Variants in EGF observed in about 807,000 individuals in gnomAD.
The protein encoded by EGF is pro-epidermal growth factor.
In EGF, 95 loss-of-function variants were observed where a neutral mutation model predicts 143.8. The ratio of observed to expected loss-of-function variants is 0.66; its 90% confidence interval spans 0.56 to 0.78. The LOEUF is 0.78. Among genes scored for constraint, EGF ranks in the 30% least tolerant of loss-of-function variants. The probability of loss-of-function intolerance (pLI) is 0.00; values close to 1 mark genes in which losing one functional copy is unlikely to be tolerated. For missense variants in EGF, 1,320 were observed against 1,470.9 expected (o/e 0.90, Z 1.68); for synonymous variants, 510 against 510.5 (o/e 1.00, Z 0.01).
chr4:109,951,974 A>G (rs553697217), intron 5 of EGF, among the ~76,000 whole-genome samples: 3 of 151,906 alleles, frequency 2.0e-5, no homozygotes, highest in Admixed American at 2.0e-4. Flanking sequence ...TTTTTTTTCA[A>G]TTTCAGAAAC....
chr4:110,005,450 G>T (rs1026637160), intron 22 of EGF, among the ~76,000 whole-genome samples: 2 of 152,000 alleles, frequency 1.3e-5, no homozygotes, highest in African/African-American at 4.8e-5. Context: ...ATAGTTGCCA[G>T]ATTTAACAAA....
chr4:109,976,193 C>G lies in EGF; in HGVS notation c.2011C>G (p.Leu671Val). The G allele has an allele frequency of 6.2e-7, 1 of 1,614,090 alleles. No individual in the cohort carries two copies. Among genetic ancestry groups the G allele is most frequent in the Non-Finnish European group, 8.5e-7 (1 of 1,180,006 alleles). ...GCAGTCTGTGATTGAAATGGCCAAT[C>G]TGGATGGTTCAAAACGCCGAAGACT... is the stretch of plus-strand genomic sequence containing the variant. ...AKQSVIEMAN[L>V]DGSKRRRLTQ... The change falls in exon 13 of 24, where the codon CTG (leucine) becomes GTG (valine). Residue 671 changes from leucine (L) to valine (V), a missense_variant. Physicochemically the swap from Leu to Val is conservative, Grantham distance 32 (BLOSUM62 1). Coordinates refer to ENST00000265171, the MANE Select transcript of EGF (RefSeq NM_001963.6).
At chr4:109,928,327 G>T (rs1328753239) in intron 1 of EGF, among the ~76,000 whole-genome samples, 1 of 152,168 alleles carries the variant, frequency 6.6e-6, no homozygotes, top group Admixed American at 6.5e-5. Flanking sequence ...AGGGTAAGGT[G>T]GGGTTAGGTT....
chr4:109,983,561 C>T lies in EGF; in HGVS notation c.2491+20C>T. ...TGTCAGGTATGAATAACTAGTTCTC[C>T]AATATACCTTTGGTTCCAACAGTTT... On this transcript the variant is annotated intron_variant, in intron 16 of 23. Transcript: ENST00000265171. 2 of 1,613,118 alleles carry T rather than the reference C, an allele frequency of 1.2e-6. No individual in the cohort carries two copies. Among genetic ancestry groups the T allele is most frequent in the East Asian group, 2.2e-5 (1 of 44,810 alleles).
At chr4:109,997,001 A>ATT (rs200352311) in intron 20 of EGF, among the ~76,000 whole-genome samples, 2 of 147,920 alleles carry the variant, frequency 1.4e-5, no homozygotes. Flanking sequence ...TCTACCCTCA[A>ATT]TTTTTTTTTT....
At chr4:109,990,022 T>C (rs184363927) in intron 18 of EGF, among the ~76,000 whole-genome samples, 29 of 152,304 alleles carry the variant, frequency 1.9e-4, no homozygotes, top group African/African-American at 5.1e-4. Context: ...CTTATTATTA[T>C]TAAGAGTAGT....
At chr4:110,008,286 G>T in intron 23 of EGF, 56 bp downstream of exon 23, 1 of 1,590,920 alleles carries the variant, frequency 6.3e-7, no homozygotes, top group Non-Finnish European at 8.6e-7. Flanking sequence ...GATCCTGACT[G>T]TTTTTCAATG....
intron 20 of EGF, 87 bp from the exon 21 acceptor site, chr4:109,999,592 T>C: frequency 9.7e-6 from 15 of 1,547,444 alleles, no homozygotes; most frequent in Non-Finnish European, 1.3e-5. Context: ...AATGCAGAGG[T>C]TGAGAGACAG....
chr4:109,995,074 G>T (rs555719599), intron 20 of EGF, among the ~76,000 whole-genome samples, 194 bp downstream of exon 20: 23 of 152,278 alleles, frequency 1.5e-4, no homozygotes, highest in African/African-American at 4.8e-4. Flanking sequence ...CCCCCTTCTA[G>T]TTACCGGTGA....
intron 1 of EGF, among the ~76,000 whole-genome samples, chr4:109,938,732 T>G (rs1479256920): frequency 6.6e-6 from 1 of 152,246 alleles, no homozygotes; most frequent in African/African-American, 2.4e-5. Flanking sequence ...ATGTTGATGC[T>G]ATTCATTTCT....
At chr4:110,000,193 G>C (rs1201132380) in intron 21 of EGF, among the ~76,000 whole-genome samples, 1 of 149,182 alleles carries the variant, frequency 6.7e-6, no homozygotes, top group African/African-American at 2.5e-5. Context: ...AGGGGTTGCA[G>C]TGAGCCAAGA....
rs996529684 is a variant in EGF at position 110,001,767 on chromosome 4, C to A, written c.3173+1921C>A. The A allele has an allele frequency of 1.2e-5, 12 of 985,304 alleles. No individual in the cohort carries two copies. In the African/African-American group the frequency reaches 2.1e-4, roughly 17 times the overall value. 61.0% of individuals were successfully genotyped at this position (985,304 alleles called of 1,614,324 possible). On this transcript the variant is annotated intron_variant, in intron 21 of 23. Transcript: ENST00000265171. ...ATAAGAGTATCTTCAACCTCAGACT[C>A]TCATACTCCAAAAATCAGAAGTGAA... is the stretch of plus-strand genomic sequence containing the variant.
chr4:109,964,292 G>A (rs2126066921), intron 9 of EGF, 109 bp from the exon 10 acceptor site: 1 of 1,474,336 alleles, frequency 6.8e-7, no homozygotes, highest in East Asian at 2.3e-5. Flanking sequence ...AAGAAAACAA[G>A]TACTGTAGAA....
intron 11 of EGF, among the ~76,000 whole-genome samples, chr4:109,970,843 A>AC (rs1484004883): frequency 6.6e-6 from 1 of 151,550 alleles, no homozygotes; most frequent in Non-Finnish European, 1.5e-5. Flanking sequence ...AAAAAAAAAA[A>AC]AAATCTGTTG....
rs372466716 is a variant in EGF, at chr4:109,913,285, C to T, written c.-51C>T. On this transcript the variant is annotated 5_prime_UTR_variant, in exon 1 of 24. Coordinates refer to ENST00000265171, the MANE Select transcript of EGF (RefSeq NM_001963.6). ...TCATACTCACCTTGCCCGGGCCATG[C>T]TCCAGCAAAATCAAGCTGTTTTCTT... 43 of 1,609,744 alleles carry T rather than the reference C, an allele frequency of 2.7e-5. No homozygotes were observed. Among genetic ancestry groups the T allele is most frequent in the Non-Finnish European group, 3.1e-5 (37 of 1,177,640 alleles).
intron 17 of EGF, 126 bp downstream of exon 17, chr4:109,987,986 G>A (rs539119787): frequency 9.1e-5 from 70 of 766,612 alleles, no homozygotes; most frequent in Non-Finnish European, 1.4e-4. Flanking sequence ...GTTATTTGAT[G>A]TTAGCTAAAA....
intron 21 of EGF, among the ~76,000 whole-genome samples, chr4:110,001,105 G>T (rs1362737105): frequency 6.6e-6 from 1 of 152,164 alleles, no homozygotes; most frequent in Non-Finnish European, 1.5e-5. Context: ...GATTATACAG[G>T]TTCAAATCCA....
intron 20 of EGF, among the ~76,000 whole-genome samples, chr4:109,996,200 A>C (rs1005114063): frequency 2.0e-5 from 3 of 152,226 alleles, no homozygotes; most frequent in Non-Finnish European, 4.4e-5. Context: ...CTACAGGGTT[A>C]CATACTGCAT....
Position 109,961,272 on chromosome 4 carries a change from C to T in EGF, c.1189+283C>T, listed in dbSNP as rs570376073. Among the ~76,000 whole-genome samples the T allele has an allele frequency of 7.2e-5, 11 of 152,100 alleles. No homozygotes were observed. In the South Asian group the frequency reaches 1.5e-3, roughly 20 times the overall value. On this transcript the variant is annotated intron_variant, in intron 7 of 23. Coordinates refer to ENST00000265171, the MANE Select transcript of EGF (RefSeq NM_001963.6). ...TGAGGAGGCTGAGGCAGAAGGATCA[C>T]TTGAACCAGGAGGAGGAGGCTGCAG...
Sources: allele counts gnomAD v4.1 joint callset (sites outside exome capture counted in the v4.1 genomes callset), GRCh38; gene constraint gnomAD v4.1.1; transcripts MANE v1.5; gene names NCBI Gene and HGNC (gene_info 2026-07-23, HGNC 2026-07-21).